Variants in MAGEB17 observed in about 807,000 individuals in gnomAD.
MAGEB17 encodes the protein MAGE family member B17.
For synonymous variants in MAGEB17, 110 were observed against 112.4 expected (o/e 0.98, Z 0.13); for missense variants, 251 against 281.4 (o/e 0.89, Z 0.77).
chrX:16,171,357 C>T lies in MAGEB17; in HGVS notation c.975C>T (p.Ser325=), dbSNP rs770851517. 2.8e-5 allele frequency: 32 copies of T among 1,136,513 alleles called. No homozygotes were observed. The highest frequency in any genetic ancestry group is 2.4e-4 in the Middle Eastern group (1 of 4,148). 93.7% of individuals were successfully genotyped at this position (1,136,513 alleles called of 1,213,427 possible). A position where few individuals can be genotyped will look rare whatever the true frequency, so the allele number is the denominator to read the frequency against. ...GAGCCAGAGCGGTAGCCAGGGATAG[C>T]GCCAGGGCCAGGGCTAGCAGGTCCT... The part of the protein sequence containing the change: ...QARARAVARD[S]ARARASRSFQ... Residue 325 remains serine (S), a synonymous_variant, in exon 2 of 2, where the codon AGC becomes AGT. Transcript: ENST00000400004.
Position 16,171,257 on chromosome X carries a change from A to G in MAGEB17, c.875A>G (p.Lys292Arg). 1 of 1,209,993 alleles carries G rather than the reference A, an allele frequency of 8.3e-7. No individual in the cohort carries two copies. Among genetic ancestry groups the G allele is most frequent in the Middle Eastern group, 2.3e-4 (1 of 4,343 alleles). ...ATGAAAGTCCTGGAGTTTGTGGCCAAGCTCAATGATACCGTTGCCAGTACC... is the reference window on the plus strand; with the variant it reads ...ATGAAAGTCCTGGAGTTTGTGGCCAGGCTCAATGATACCGTTGCCAGTACC... The part of the protein sequence containing the change: ...SKMKVLEFVA[K>R]LNDTVASTYK... Residue 292 changes from lysine to arginine, a missense_variant, in exon 2 of 2, where the codon AAG becomes AGG. Transcript: ENST00000400004.
At chrX:16,168,354 A>C (rs758329588) in intron 1 of MAGEB17, among the ~76,000 whole-genome samples, 1 of 110,401 alleles carries the variant, frequency 9.1e-6, no homozygotes, top group Non-Finnish European at 1.9e-5. Context: ...AAAGAAAAAA[A>C]AAAAAAAGGA....
chrX:16,169,015 C>T (rs1368324205), intron 1 of MAGEB17: 1 of 111,968 alleles, frequency 8.9e-6, no homozygotes, highest in Non-Finnish European at 1.9e-5. Context: ...ATGGGCAGAG[C>T]CATTAGCATT....
chrX:16,171,177 T>C lies in MAGEB17; in HGVS notation c.795T>C (p.Asp265=), dbSNP rs1923055997. 2 of 1,208,725 alleles carry C rather than the reference T, an allele frequency of 1.7e-6. No homozygotes were observed. The highest frequency in any genetic ancestry group is 3.5e-5 in the African/African-American group (2 of 57,115). ...YLEYQQVPSS[D]PPRYEFLWGP... ...AGTACCAGCAGGTGCCCAGCAGCGATCCTCCACGCTACGAGTTCCTGTGGG... is the reference window on the plus strand; with the variant it reads ...AGTACCAGCAGGTGCCCAGCAGCGACCCTCCACGCTACGAGTTCCTGTGGG... The change falls in exon 2 of 2, where the codon GAT becomes GAC. Residue 265 remains aspartate (D), a synonymous_variant. Transcript: ENST00000400004.
chrX:16,171,107 C>T lies in MAGEB17; in HGVS notation c.725C>T (p.Pro242Leu), dbSNP rs187274672. 5 of 1,203,561 alleles carry T rather than the reference C, an allele frequency of 4.2e-6. No individual in the cohort carries two copies. The highest frequency in any genetic ancestry group is 5.6e-6 in the Non-Finnish European group (5 of 891,740). ...AGGAAGCACTTCATCTATGGGGAGC[C>T]CCAGGAGCTTGTCACCAAAGATTTG... ...KGRKHFIYGE[P>L]QELVTKDLVR... The change falls in exon 2 of 2, where the codon CCC becomes CTC. Residue 242 changes from proline to leucine, a missense_variant. Physicochemically the swap from Pro to Leu is moderately conservative, Grantham distance 98 (BLOSUM62 -3). Coordinates refer to ENST00000400004, the MANE Select transcript of MAGEB17 (RefSeq NM_001277307.2).
At chrX:16,170,294 C>T in intron 1 of MAGEB17, 40 bp from the exon 2 acceptor site, 10 of 1,100,316 alleles carry the variant, frequency 9.1e-6, no homozygotes, top group Non-Finnish European at 1.2e-5. Context: ...GTGATATCTC[C>T]CCACTGAGGG....
chrX:16,170,458 G>A lies in MAGEB17; in HGVS notation c.76G>A (p.Gly26Arg), dbSNP rs751609582. 60 of 1,165,581 alleles carry A rather than the reference G, an allele frequency of 5.1e-5. No homozygotes were observed. The highest frequency in any genetic ancestry group is 1.5e-4 in the South Asian group (8 of 52,517). ...RQARGEDQCLGGAQATAAEKE... is the reference protein window; with the variant it reads ...RQARGEDQCLRGAQATAAEKE... ...GGCTCGAGGTGAAGACCAATGTCTC[G>A]GGGGTGCTCAAGCCACCGCAGCAGA... The change falls in exon 2 of 2, where the codon GGG becomes AGG. Residue 26 changes from glycine to arginine, a missense_variant. Transcript: ENST00000400004.
Position 16,170,437 on chromosome X carries a change from C to T in MAGEB17, c.55C>T (p.Arg19Ter), listed in dbSNP as rs60921431. The part of the protein sequence containing the change: ...RRAREKRRQA[R>*]GEDQCLGGAQ... ...TGCCCGTGAGAAACGCCGCCAGGCT[C>T]GAGGTGAAGACCAATGTCTCGGGGG... The change falls in exon 2 of 2, where the codon CGA (arginine) becomes TGA (stop). Residue 19 changes from arginine (R) to a stop codon, truncating the protein, a stop_gained. Transcript: ENST00000400004. LOFTEE classifies it low-confidence loss of function (END_TRUNC). The T allele has an allele frequency of 1.3e-5, 15 of 1,165,115 alleles. No individual in the cohort carries two copies. The highest frequency in any genetic ancestry group is 1.0e-5 in the Non-Finnish European group (9 of 872,602).
At position 16,171,023 on chromosome X, in the gene MAGEB17, ACCGTG is replaced by A. The variant is rs1446704947; in HGVS notation, c.644_648del (p.Arg215HisfsTer2). 5.1e-6 allele frequency: 6 copies of A among 1,167,348 alleles called. No homozygotes were observed. In the Admixed American group the frequency reaches 1.5e-4, roughly 30 times the overall value. On this transcript the variant is annotated frameshift_variant, in exon 2 of 2. Coordinates refer to ENST00000400004, the MANE Select transcript of MAGEB17 (RefSeq NM_001277307.2). LOFTEE classifies it low-confidence loss of function (END_TRUNC). ...CTGAGCACCATCTTCATGCATGGCA[ACCGTG>A]CCACTGAGGAAGAGATGTGGGAATG...
At position 16,167,587 on chromosome X, in the gene MAGEB17, T is replaced by C. The variant is rs1417139761; in HGVS notation, c.-246T>C. 2.7e-5 allele frequency: 3 copies of C among 110,512 alleles called. No homozygotes were observed. In the Admixed American group the frequency reaches 2.9e-4, roughly 11 times the overall value. The allele number at this position is 110,512 out of a possible 1,213,427, so 9.1% of individuals were successfully genotyped here. A position where few individuals can be genotyped will look rare whatever the true frequency, so the allele number is the denominator to read the frequency against. On this transcript the variant is annotated 5_prime_UTR_variant, in exon 1 of 2. Coordinates refer to ENST00000400004, the MANE Select transcript of MAGEB17 (RefSeq NM_001277307.2). The stretch of plus-strand genomic sequence containing the variant: ...GTCCCGGAGAGGACACTGAGTACAC[T>C]GGAGAGGACTTCTATGCAAAAAGGG...
chrX:16,170,855 T>C lies in MAGEB17; in HGVS notation c.473T>C (p.Val158Ala), dbSNP rs1340929855. The C allele has an allele frequency of 6.0e-6, 7 of 1,165,935 alleles. No individual in the cohort carries two copies. Among genetic ancestry groups the C allele is most frequent in the Non-Finnish European group, 8.0e-6 (7 of 872,894 alleles). The change falls in exon 2 of 2, where the codon GTA becomes GCA. Residue 158 changes from valine (V) to alanine (A), a missense_variant. Physicochemically the swap from Val to Ala is moderately conservative, Grantham distance 64. Coordinates refer to ENST00000400004, the MANE Select transcript of MAGEB17 (RefSeq NM_001277307.2). ...PEILRRSTEN[V>A]EVVFGLYLKE... ...ATCCTCCGGAGAAGCACTGAGAACG[T>C]AGAGGTGGTCTTTGGCCTCTACCTG...
rs756741063 is a variant in MAGEB17, at chrX:16,170,521, C to G, written c.139C>G (p.Gln47Glu). The change falls in exon 2 of 2, where the codon CAG becomes GAG. Residue 47 changes from glutamine (Q) to glutamate (E), a missense_variant. By Grantham distance (29) the Gln-to-Glu change is conservative. Transcript: ENST00000400004. Reference protein sequence around the residue: ...KLPSSSSPACQSPPQSFPNAG... With the variant: ...KLPSSSSPACESPPQSFPNAG... Reference sequence around the variant, plus strand: ...GCCATCCTCCTCCTCTCCTGCATGCCAGAGTCCTCCCCAGAGCTTCCCCAA... The same window carrying G: ...GCCATCCTCCTCCTCTCCTGCATGCGAGAGTCCTCCCCAGAGCTTCCCCAA... The G allele has an allele frequency of 6.2e-5, 72 of 1,165,473 alleles. No homozygotes were observed. Among genetic ancestry groups the G allele is most frequent in the Non-Finnish European group, 8.0e-5 (70 of 872,691 alleles).
intron 1 of MAGEB17, among the ~76,000 whole-genome samples, chrX:16,169,214 A>G (rs1192258219): frequency 9.0e-6 from 1 of 111,482 alleles, no homozygotes; most frequent in Non-Finnish European, 1.9e-5. Flanking sequence ...ATAGAGCACC[A>G]CCCCTACTGT....
intron 1 of MAGEB17, chrX:16,168,614 C>A (rs985139905): frequency 8.9e-6 from 1 of 112,433 alleles, no homozygotes; most frequent in Admixed American, 9.3e-5. Flanking sequence ...CAGTGGGGTC[C>A]CCTATAGTCC....
Position 16,170,575 on chromosome X carries a change from G to GCCAGCTACC in MAGEB17, c.200_208dup (p.Tyr67_Ser69dup). 4 of 1,167,226 alleles carry GCCAGCTACC rather than the reference G, an allele frequency of 3.4e-6. No individual in the cohort carries two copies. Among genetic ancestry groups the GCCAGCTACC allele is most frequent in the Non-Finnish European group, 4.6e-6 (4 of 873,151 alleles). ...AGGCATTCCTCAGGAGTCCCAGAGA[G>GCCAGCTACC]CCAGCTACCCCAGCTCTCCTGCTTC... is the stretch of plus-strand genomic sequence containing the variant. On this transcript the variant is annotated inframe_insertion, in exon 2 of 2. Coordinates refer to ENST00000400004, the MANE Select transcript of MAGEB17 (RefSeq NM_001277307.2).
intron 1 of MAGEB17, among the ~76,000 whole-genome samples, chrX:16,168,414 G>C (rs1286458783): frequency 1.8e-5 from 2 of 111,912 alleles, no homozygotes; most frequent in African/African-American, 6.5e-5. Flanking sequence ...CTGCTGCCCT[G>C]TTGTCAGCTC....
chrX:16,168,094 C>T (rs1391864364), intron 1 of MAGEB17, among the ~76,000 whole-genome samples: 1 of 112,359 alleles, frequency 8.9e-6, no homozygotes, highest in African/African-American at 3.2e-5. Context: ...GATCCCAGTG[C>T]TTTGGGAGGC....
Position 16,171,111 on chromosome X carries a change from G to A in MAGEB17, c.729G>A (p.Gln243=). The change falls in exon 2 of 2, where the codon CAG becomes CAA. Residue 243 remains glutamine (Q), a synonymous_variant. Transcript: ENST00000400004. ...AGCACTTCATCTATGGGGAGCCCCA[G>A]GAGCTTGTCACCAAAGATTTGGTGC... The part of the protein sequence containing the change: ...GRKHFIYGEP[Q]ELVTKDLVRE... The A allele has an allele frequency of 8.3e-7, 1 of 1,207,339 alleles. No individual in the cohort carries two copies. Among genetic ancestry groups the A allele is most frequent in the Non-Finnish European group, 1.1e-6 (1 of 893,124 alleles).
chrX:16,168,045 T>C (rs940667133), intron 1 of MAGEB17, among the ~76,000 whole-genome samples: 2 of 111,690 alleles, frequency 1.8e-5, no homozygotes, highest in Non-Finnish European at 3.8e-5. Context: ...CTCCCAAACA[T>C]GGGAGGCCCA....
Sources: gnomAD v4.1 joint callset for allele counts (sites outside exome capture counted in the v4.1 genomes callset) on GRCh38, gnomAD v4.1.1 for gene constraint, MANE v1.5 for transcripts, NCBI Gene and HGNC (gene_info 2026-07-23, HGNC 2026-07-21) for gene names.